EPB41: variants seen among roughly 807,000 people sequenced by gnomAD.
EPB41 encodes protein 4.1.
In EPB41, 65 loss-of-function variants were observed where a neutral mutation model predicts 108.0. That is an observed-to-expected ratio of 0.60 (90% CI 0.49 to 0.74). The LOEUF is 0.74. Among genes scored for constraint, EPB41 ranks in the 30% least tolerant of loss-of-function variants. The pLI, the probability that EPB41 is intolerant of heterozygous loss-of-function variation, is 0.00. For missense variants in EPB41, 875 were observed against 1,037.0 expected (o/e 0.84, Z 2.15); for synonymous variants, 336 against 358.9 (o/e 0.94, Z 0.72).
chr1:29,007,859 T>G (rs2096433936), intron 4 of EPB41, among the ~76,000 whole-genome samples: 1 of 139,830 alleles, frequency 7.2e-6, no homozygotes, highest in South Asian at 2.2e-4. Flanking sequence ...CCTTGGGTGA[T>G]TTTTAAATCT....
chr1:29,008,971 A>G (rs2096456615), intron 4 of EPB41, among the ~76,000 whole-genome samples: 1 of 152,128 alleles, frequency 6.6e-6, no homozygotes, highest in South Asian at 2.1e-4. Context: ...CTTCTAAACC[A>G]TTTTGGTGCA....
chr1:29,106,564 ATTTTTTTTTTTTTT>A (rs1187973613), intron 17 of EPB41, among the ~76,000 whole-genome samples: 3 of 50,882 alleles, frequency 5.9e-5, no homozygotes, highest in Non-Finnish European at 9.8e-5. Flanking sequence ...AGTAGCTGGG[ATTTTTTTTTTTTTT>A]TTTTTTTTTT....
chr1:28,906,780 C>CTTT (rs780439196), intron 1 of EPB41, among the ~76,000 whole-genome samples: 1 of 143,960 alleles, frequency 6.9e-6, no homozygotes. Flanking sequence ...CTTTTTTTTT[C>CTTT]TTTTTTTTTT....
At chr1:29,101,867 T>C (rs980362727) in intron 17 of EPB41, among the ~76,000 whole-genome samples, 6 of 152,066 alleles carry the variant, frequency 3.9e-5, no homozygotes, top group African/African-American at 1.4e-4. Context: ...GCCACTGCAC[T>C]CCAGCCTGGG....
intron 5 of EPB41, among the ~76,000 whole-genome samples, chr1:29,013,249 A>G (rs2096531142): frequency 6.6e-6 from 1 of 151,676 alleles, no homozygotes; most frequent in African/African-American, 2.4e-5. Context: ...TGCTTGAATC[A>G]GGGAGTCGGA....
At chr1:28,891,760 T>C in intron 1 of EPB41, among the ~76,000 whole-genome samples, 1 of 152,110 alleles carries the variant, frequency 6.6e-6, no homozygotes. Context: ...GTTGAGATGC[T>C]TTATCCAGGA....
chr1:28,985,027 T>C (rs1217064471), intron 1 of EPB41, among the ~76,000 whole-genome samples: 1 of 151,894 alleles, frequency 6.6e-6, no homozygotes, highest in Non-Finnish European at 1.5e-5. Flanking sequence ...TACAATGGCA[T>C]GATCTCAGCT....
chr1:29,057,082 A>G (rs1384338589), intron 12 of EPB41, among the ~76,000 whole-genome samples: 2 of 152,036 alleles, frequency 1.3e-5, no homozygotes, highest in Non-Finnish European at 2.9e-5. Flanking sequence ...CAAAGTAGAA[A>G]TGACCCAAAA....
At chr1:28,900,119 A>G (rs1040022105) in intron 1 of EPB41, among the ~76,000 whole-genome samples, 1 of 152,166 alleles carries the variant, frequency 6.6e-6, no homozygotes, top group Non-Finnish European at 1.5e-5. Flanking sequence ...GTCATAAAAG[A>G]GCTCATTGAG....
intron 1 of EPB41, among the ~76,000 whole-genome samples, chr1:28,908,118 A>T (rs1296973694): frequency 6.7e-6 from 1 of 150,338 alleles, no homozygotes; most frequent in Non-Finnish European, 1.5e-5. Flanking sequence ...TCTAGTTGTT[A>T]TGGCTGGGCA....
At chr1:28,896,215 A>T (rs2090645163) in intron 1 of EPB41, among the ~76,000 whole-genome samples, 1 of 152,216 alleles carries the variant, frequency 6.6e-6, no homozygotes, top group Non-Finnish European at 1.5e-5. Context: ...GCATTCAACA[A>T]ATAGTAGCAA....
chr1:28,987,055 C>T (rs2149514747), intron 1 of EPB41, among the ~76,000 whole-genome samples: 1 of 152,144 alleles, frequency 6.6e-6, no homozygotes, highest in East Asian at 1.9e-4. Context: ...AATCCTACAC[C>T]TTCAGATTGA....
intron 1 of EPB41, among the ~76,000 whole-genome samples, chr1:28,964,864 G>A (rs1237301904): frequency 6.6e-6 from 1 of 152,072 alleles, no homozygotes; most frequent in African/African-American, 2.4e-5. Flanking sequence ...AGTTGATCAT[G>A]CCCTCTCCTC....
At chr1:28,908,812 T>A (rs2092037276) in intron 1 of EPB41, among the ~76,000 whole-genome samples, 1 of 151,998 alleles carries the variant, frequency 6.6e-6, no homozygotes, top group South Asian at 2.1e-4. Context: ...TATATCCGCT[T>A]GCTAGCTTTG....
intron 7 of EPB41, among the ~76,000 whole-genome samples, 198 bp from the exon 8 acceptor site, chr1:29,030,202 T>A (rs2150269055): frequency 6.6e-6 from 1 of 152,344 alleles, no homozygotes; most frequent in East Asian, 1.9e-4. Context: ...TGTCTTTTTC[T>A]AAGGTATATT....
intron 7 of EPB41, among the ~76,000 whole-genome samples, chr1:29,026,842 C>T (rs528209722): frequency 1.3e-4 from 20 of 150,484 alleles, no homozygotes; most frequent in African/African-American, 4.6e-4. Context: ...ACCTTTAATC[C>T]CAGCACTTTG....
chr1:29,023,792 A>C, intron 7 of EPB41, among the ~76,000 whole-genome samples: 1 of 152,016 alleles, frequency 6.6e-6, no homozygotes, highest in East Asian at 1.9e-4. Flanking sequence ...TTTGAGAACC[A>C]CTGAGTTGGG....
At chr1:28,963,195 A>G (rs1349028275) in intron 1 of EPB41, among the ~76,000 whole-genome samples, 1 of 152,210 alleles carries the variant, frequency 6.6e-6, no homozygotes, top group Admixed American at 6.5e-5. Context: ...ACAAAAACAA[A>G]CAAATGAAAA....
intron 16 of EPB41, among the ~76,000 whole-genome samples, chr1:29,089,104 A>G (rs1005865944): frequency 3.3e-5 from 5 of 152,328 alleles, no homozygotes; most frequent in Admixed American, 3.3e-4. Flanking sequence ...AATAGAAATA[A>G]TGACTACTTC....
Sources: allele counts gnomAD v4.1 joint callset (sites outside exome capture counted in the v4.1 genomes callset), GRCh38; gene constraint gnomAD v4.1.1; transcripts MANE v1.5; gene names NCBI Gene and HGNC (gene_info 2026-07-23, HGNC 2026-07-21).